Variants in VIT observed in about 807,000 individuals in gnomAD.
VIT encodes the protein vitrin.
Under a neutral mutation model 78.0 loss-of-function variants are expected in VIT, and 99 were observed. The ratio of observed to expected loss-of-function variants is 1.27; its 90% CI spans 1.08 to 1.50. VIT has a LOEUF of 1.50. Ranked by LOEUF, VIT falls within the 40% of genes most tolerant of loss-of-function variation. VIT has a pLI of 0.00. For synonymous variants in VIT, 374 were observed against 334.3 expected (o/e 1.12, Z -1.29); for missense variants, 1,126 against 875.3 (o/e 1.29, Z -3.61).
At chr2:36,763,535 G>C (rs962727231) in intron 6 of VIT, among the ~76,000 whole-genome samples, 2 of 150,700 alleles carry the variant, frequency 1.3e-5, no homozygotes, top group Non-Finnish European at 2.9e-5. Context: ...TGTTCAGTGA[G>C]GAATTGGGAG....
intron 6 of VIT, among the ~76,000 whole-genome samples, chr2:36,766,521 A>T: frequency 6.6e-6 from 1 of 152,220 alleles, no homozygotes; most frequent in South Asian, 2.1e-4. Context: ...ACAGAGCAAG[A>T]TCCTGTCTCA....
At chr2:36,748,584 A>C (rs1668275803) in intron 4 of VIT, among the ~76,000 whole-genome samples, 1 of 152,202 alleles carries the variant, frequency 6.6e-6, no homozygotes, top group African/African-American at 2.4e-5. Context: ...CAATCCCAGA[A>C]GTTCAGTTTG....
Position 36,805,465 on chromosome 2 carries a change from A to C in VIT, c.1190A>C (p.Asn397Thr). 16 of 1,612,814 alleles carry C rather than the reference A, an allele frequency of 9.9e-6. No homozygotes were observed. The highest frequency in any genetic ancestry group is 1.4e-5 in the Non-Finnish European group (16 of 1,179,350). ...VGRAISFVTK[N>T]FFSKANGNRS... ...CGGGCCATCTCCTTTGTGACCAAGA[A>C]CTTCTTTTCCAAAGCCAATGGAAAC... is the stretch of plus-strand genomic sequence containing the variant. The change falls in exon 14 of 16, where the codon AAC becomes ACC. Residue 397 changes from asparagine to threonine, a missense_variant. Physicochemically the swap from Asn to Thr is moderately conservative, Grantham distance 65. Coordinates refer to ENST00000379242, the MANE Select transcript of VIT (RefSeq NM_053276.4).
At chr2:36,773,675 G>T in intron 7 of VIT, 116 bp from the exon 8 acceptor site, 1 of 874,146 alleles carries the variant, frequency 1.1e-6, no homozygotes, top group South Asian at 4.0e-5. Context: ...AGTGAGCTGA[G>T]ATCGCACCAC....
chr2:36,768,811 C>T (rs552960893), intron 7 of VIT, among the ~76,000 whole-genome samples: 190 of 152,318 alleles, frequency 1.2e-3, no homozygotes, highest in Middle Eastern at 6.8e-3. Context: ...TTAATAATAA[C>T]AGAATGCATG....
At chr2:36,780,038 C>G (rs17019707) in intron 9 of VIT, among the ~76,000 whole-genome samples, 7,823 of 152,240 alleles carry the variant, frequency 0.051, 556 homozygotes, top group East Asian at 0.26. Context: ...CTCCTTGACG[C>G]CAGAATACAA....
chr2:36,750,854 A>C (rs934879121), intron 4 of VIT, among the ~76,000 whole-genome samples: 1 of 152,092 alleles, frequency 6.6e-6, no homozygotes, highest in African/African-American at 2.4e-5. Context: ...ATAACATGTA[A>C]TCTTTTGCAC....
chr2:36,759,015 C>G lies in VIT; in HGVS notation c.456C>G (p.Tyr152Ter). ...TAACCTACCCATCAGCTCTTACATACTCATCATCGAAAAGTCCAGCTGCCC... is the reference window on the plus strand; with the variant it reads ...TAACCTACCCATCAGCTCTTACATAGTCATCATCGAAAAGTCCAGCTGCCC... ...KGVTYPSALT[Y>*]SSSKSPAAQA... is the part of the protein sequence containing the mutation. The change falls in exon 6 of 16, where the codon TAC becomes TAG. Residue 152 changes from tyrosine (Y) to a stop codon, truncating the protein, a stop_gained. Coordinates refer to ENST00000379242, the MANE Select transcript of VIT (RefSeq NM_053276.4). LOFTEE classifies it high-confidence loss of function. 6.2e-7 allele frequency: 1 copy of G among 1,614,016 alleles called. No individual in the cohort carries two copies. The highest frequency in any genetic ancestry group is 8.5e-7 in the Non-Finnish European group (1 of 1,180,016).
intron 12 of VIT, among the ~76,000 whole-genome samples, chr2:36,794,004 G>A (rs1384439292): frequency 3.9e-5 from 6 of 152,168 alleles, no homozygotes. Context: ...TTTAGTAAGT[G>A]CCTTAGGTGA....
chr2:36,782,384 G>A (rs1038440059), intron 10 of VIT, among the ~76,000 whole-genome samples: 8 of 152,206 alleles, frequency 5.3e-5, no homozygotes, highest in Non-Finnish European at 2.9e-5. Context: ...AATGATGTGA[G>A]GAAGTGGGAT....
At chr2:36,736,721 C>T (rs1667530356) in intron 3 of VIT, among the ~76,000 whole-genome samples, 1 of 152,200 alleles carries the variant, frequency 6.6e-6, no homozygotes, top group African/African-American at 2.4e-5. Context: ...TGGGCCCAAT[C>T]CCTATCCCCA....
chr2:36,814,436 G>T lies in VIT; in HGVS notation c.*75G>T. 2 of 1,538,082 alleles carry T rather than the reference G, an allele frequency of 1.3e-6. No individual in the cohort carries two copies. Among genetic ancestry groups the T allele is most frequent in the Non-Finnish European group, 1.8e-6 (2 of 1,129,880 alleles). The stretch of plus-strand genomic sequence containing the variant: ...TTGGACCACCCCACCGCTTAATGGG[G>T]CACGCACGGTGCATCAAGTCTTGGG... On this transcript the variant is annotated 3_prime_UTR_variant, in exon 16 of 16. Transcript: ENST00000379242.
intron 6 of VIT, among the ~76,000 whole-genome samples, chr2:36,762,698 G>A (rs1669196782): frequency 6.6e-6 from 1 of 152,078 alleles, no homozygotes. Context: ...AGCTGTTCAG[G>A]TCTCCGCATG....
intron 1 of VIT, among the ~76,000 whole-genome samples, chr2:36,703,070 A>G (rs1325648505): frequency 6.6e-6 from 1 of 152,126 alleles, no homozygotes; most frequent in African/African-American, 2.4e-5. Flanking sequence ...TAATCATGGG[A>G]CAGACACCAA....
At chr2:36,752,397 G>A (rs190701269) in intron 4 of VIT, among the ~76,000 whole-genome samples, 117 of 152,294 alleles carry the variant, frequency 7.7e-4, no homozygotes, top group African/African-American at 2.7e-3. Flanking sequence ...TCTGAGCCAA[G>A]GGACTGACCC....
chr2:36,805,497 G>A lies in VIT; in HGVS notation c.1222G>A (p.Gly408Arg), dbSNP rs757724129. 23 of 1,613,828 alleles carry A rather than the reference G, an allele frequency of 1.4e-5. 1 individual carries two copies. In the South Asian group the frequency reaches 1.8e-4, roughly 12 times the overall value. The part of the protein sequence containing the change: ...FFSKANGNRS[G>R]APNVVVVMVD... ...TTCCAAAGCCAATGGAAACAGAAGC[G>A]GGGCTCCCAATGTGGTGGTGGTGAT... The change falls in exon 14 of 16, where the codon GGG becomes AGG. Residue 408 changes from glycine to arginine, a missense_variant. By Grantham distance (125) the Gly-to-Arg change is moderately radical. Coordinates refer to ENST00000379242, the MANE Select transcript of VIT (RefSeq NM_053276.4).
chr2:36,711,563 A>T (rs1212200177), intron 1 of VIT, among the ~76,000 whole-genome samples: 1 of 151,984 alleles, frequency 6.6e-6, no homozygotes, highest in Non-Finnish European at 1.5e-5. Flanking sequence ...AATTGTGCAT[A>T]CTCCACATCC....
At chr2:36,790,212 C>T (rs1416234769) in intron 12 of VIT, among the ~76,000 whole-genome samples, 1 of 152,198 alleles carries the variant, frequency 6.6e-6, no homozygotes, top group Non-Finnish European at 1.5e-5. Context: ...CAGAAAACCA[C>T]TCCAGGTAGC....
intron 13 of VIT, among the ~76,000 whole-genome samples, chr2:36,803,069 G>A (rs1460505823): frequency 6.6e-6 from 1 of 152,178 alleles, no homozygotes; most frequent in East Asian, 1.9e-4. Flanking sequence ...CAGGAGATCA[G>A]GAAGCTTCTT....
Sources: allele counts gnomAD v4.1 joint callset (sites outside exome capture counted in the v4.1 genomes callset), GRCh38; gene constraint gnomAD v4.1.1; transcripts MANE v1.5; gene names NCBI Gene and HGNC (gene_info 2026-07-23, HGNC 2026-07-21).